Variants in SLA2 observed in about 807,000 individuals in gnomAD.
The protein encoded by SLA2 is src-like-adapter 2.
SLA2 carries 22 observed loss-of-function variants against 27.3 expected under a neutral mutation model. The observed-to-expected ratio is 0.81, with a 90% CI of 0.58 to 1.15. The LOEUF is 1.15. Ranked by LOEUF, SLA2 falls within the 50% of genes most tolerant of loss-of-function variation. The probability of loss-of-function intolerance (pLI) is 0.00; values close to 1 mark genes in which losing one functional copy is unlikely to be tolerated. For synonymous variants in SLA2, 131 were observed against 137.8 expected (o/e 0.95, Z 0.34); for missense variants, 304 against 322.2 (o/e 0.94, Z 0.43).
rs569899096 is a variant in SLA2 at position 36,613,587 on chromosome 20, C to G, written c.*279G>C. ...AACTCAAGAACTAACTAGGTCAGACCCCCCAGGAGGCTTATTCTCTTTTTG... is the reference window on the plus strand; with the variant it reads ...AACTCAAGAACTAACTAGGTCAGACGCCCCAGGAGGCTTATTCTCTTTTTG... On this transcript the variant is annotated 3_prime_UTR_variant, in exon 8 of 8. Coordinates refer to ENST00000262866, the MANE Select transcript of SLA2 (RefSeq NM_032214.4). The G allele has an allele frequency of 3.1e-6, 1 of 321,772 alleles. No individual in the cohort carries two copies. Among genetic ancestry groups the G allele is most frequent in the Admixed American group, 4.6e-5 (1 of 21,760 alleles). The allele number at this position is 321,772 out of a possible 1,614,324, so 19.9% of individuals were successfully genotyped here.
chr20:36,636,618 A>AT (rs1403680709), intron 2 of SLA2, among the ~76,000 whole-genome samples: 214 of 127,632 alleles, frequency 1.7e-3, no homozygotes, highest in African/African-American at 7.1e-3. Flanking sequence ...AAAGAAAAAA[A>AT]AAAAAATATA....
chr20:36,636,623 A>AATATATATATAT (rs57962999), intron 2 of SLA2, among the ~76,000 whole-genome samples: 2 of 114,712 alleles, frequency 1.7e-5, no homozygotes, highest in African/African-American at 8.0e-5. Context: ...AAAAAAAAAA[A>AATATATATATAT]ATATATATAT....
intron 5 of SLA2, among the ~76,000 whole-genome samples, chr20:36,615,729 C>A (rs2039202245): frequency 1.3e-5 from 2 of 152,120 alleles, no homozygotes; most frequent in South Asian, 2.1e-4. Flanking sequence ...TAGGACCTCC[C>A]ACCCTGCTGG....
intron 7 of SLA2, 142 bp downstream of exon 7, chr20:36,614,163 C>T (rs2039177085): frequency 1.3e-6 from 2 of 1,494,988 alleles, no homozygotes; most frequent in Admixed American, 3.5e-5. Flanking sequence ...GGCCGTGCTC[C>T]AGGAGTTGAG....
chr20:36,623,411 C>T (rs1327182285), intron 5 of SLA2, among the ~76,000 whole-genome samples: 1 of 151,568 alleles, frequency 6.6e-6, no homozygotes, highest in Non-Finnish European at 1.5e-5. Context: ...TGCAATAACA[C>T]AAGAAAAATA....
At chr20:36,622,073 G>A (rs58681358) in intron 5 of SLA2, among the ~76,000 whole-genome samples, 13,654 of 151,776 alleles carry the variant, frequency 0.09, 1,851 homozygotes, top group African/African-American at 0.3. Flanking sequence ...TAATCCCAGC[G>A]CTTTGGGAAG....
Position 36,636,626 on chromosome 20 carries a change from ATAT to A in SLA2, c.92-2040_92-2038del, listed in dbSNP as rs1568609112. ...ATCTCAAAAAGAAAAAAAAAAAAAT[ATAT>A]ATATATATATATATATATATATATG... On this transcript the variant is annotated intron_variant, in intron 2 of 7. Transcript: ENST00000262866. Among the ~76,000 whole-genome samples the A allele has an allele frequency of 6.3e-3, 724 of 115,612 alleles. 15 individuals carry two copies. The highest frequency in any genetic ancestry group is 0.028 in the African/African-American group (699 of 25,074). The allele number at this position is 115,612 out of a possible 152,430, so 75.8% of individuals were successfully genotyped here.
chr20:36,634,504 C>A lies in SLA2; in HGVS notation c.177G>T (p.Leu59Phe). Reference protein sequence around the residue: ...AELSLRLGEPLTIVSEDGDWW... With the variant: ...AELSLRLGEPFTIVSEDGDWW... ...CATGGACTTACTCAGAGACGATGGT[C>A]AATGGCTCCCCGAGTCTCAGCGACA... The change falls in exon 3 of 8, where the codon TTG becomes TTT. Residue 59 changes from leucine to phenylalanine, a missense_variant. By Grantham distance (22) the Leu-to-Phe change is conservative. Coordinates refer to ENST00000262866, the MANE Select transcript of SLA2 (RefSeq NM_032214.4). The A allele has an allele frequency of 6.2e-7, 1 of 1,610,326 alleles. No individual in the cohort carries two copies. The highest frequency in any genetic ancestry group is 1.1e-5 in the South Asian group (1 of 90,366).
intron 5 of SLA2, 144 bp from the exon 6 acceptor site, chr20:36,615,518 T>C: frequency 1.2e-6 from 1 of 835,358 alleles, no homozygotes; most frequent in Non-Finnish European, 1.9e-6. Flanking sequence ...AAAGACTTGC[T>C]CTCTTGGTCA....
chr20:36,645,811 C>T (rs562757777), intron 1 of SLA2, 26 bp downstream of exon 1: 102 of 152,416 alleles, frequency 6.7e-4, no homozygotes, highest in Non-Finnish European at 1.1e-3. Context: ...TCCAGGCCAT[C>T]CAAGAACAAA....
Position 36,634,475 on chromosome 20 carries a change from T to C in SLA2, c.191+15A>G. On this transcript the variant is annotated intron_variant, in intron 3 of 7. Transcript: ENST00000262866. ...TATTAGTGCATATTCAGGTATCCAG[T>C]GCCCATGGACTTACTCAGAGACGAT... 1 of 1,581,430 alleles carries C rather than the reference T, an allele frequency of 6.3e-7. No individual in the cohort carries two copies. The highest frequency in any genetic ancestry group is 1.1e-5 in the South Asian group (1 of 88,860).
chr20:36,614,993 AG>A (rs1486795578), intron 6 of SLA2: 12 of 985,200 alleles, frequency 1.2e-5, no homozygotes, highest in Non-Finnish European at 2.4e-6. Context: ...GTGGTAGGCA[AG>A]GTACTGACCT....
chr20:36,638,705 G>A (rs373943965), intron 2 of SLA2, among the ~76,000 whole-genome samples: 1 of 152,224 alleles, frequency 6.6e-6, no homozygotes, highest in African/African-American at 2.4e-5. Context: ...CCTAGGCTCT[G>A]TCCAGGGGAA....
At chr20:36,626,120 G>A (rs956729802) in intron 5 of SLA2, among the ~76,000 whole-genome samples, 6 of 152,094 alleles carry the variant, frequency 3.9e-5, no homozygotes, top group East Asian at 1.9e-4. Flanking sequence ...ACAGCTGGGC[G>A]CAGTGGCTCA....
chr20:36,616,332 CTTTTTTT>C (rs751722341), intron 5 of SLA2, among the ~76,000 whole-genome samples: 1 of 132,014 alleles, frequency 7.6e-6, no homozygotes, highest in African/African-American at 2.8e-5. Context: ...TTTTAATTTT[CTTTTTTT>C]TTTTTTTTGG....
intron 3 of SLA2, 102 bp from the exon 4 acceptor site, chr20:36,633,731 G>T: frequency 1.1e-6 from 1 of 917,882 alleles, no homozygotes; most frequent in Non-Finnish European, 1.7e-6. Flanking sequence ...GGATCCTGTG[G>T]CCACCTGTCC....
At chr20:36,632,391 T>C (rs1381594794) in intron 5 of SLA2, among the ~76,000 whole-genome samples, 1 of 152,164 alleles carries the variant, frequency 6.6e-6, no homozygotes, top group East Asian at 1.9e-4. Flanking sequence ...CTCCTCTGCT[T>C]TCATGGCCTG....
chr20:36,615,469 G>T, intron 5 of SLA2, 95 bp from the exon 6 acceptor site: 1 of 1,466,112 alleles, frequency 6.8e-7, no homozygotes. Flanking sequence ...TGACCATGGG[G>T]CCCCGGCAGA....
intron 5 of SLA2, chr20:36,621,142 C>A: frequency 2.4e-6 from 1 of 419,964 alleles, no homozygotes. Context: ...TAGCAGTAGA[C>A]GGGGCTGCTG....
Sources: allele counts gnomAD v4.1 joint callset (sites outside exome capture counted in the v4.1 genomes callset), GRCh38; gene constraint gnomAD v4.1.1; transcripts MANE v1.5; gene names NCBI Gene and HGNC (gene_info 2026-07-23, HGNC 2026-07-21).